Variants in TRNAU1AP observed in about 807,000 individuals in gnomAD.
TRNAU1AP encodes tRNA selenocysteine 1 associated protein 1.
In TRNAU1AP, 33 loss-of-function variants were observed where a neutral mutation model predicts 43.3. The ratio of observed to expected loss-of-function variants is 0.76; its 90% CI spans 0.58 to 1.02. The LOEUF (loss-of-function observed/expected upper bound fraction) is 1.02, where lower values mean the gene tolerates loss of function less well. Ranked by LOEUF, TRNAU1AP falls within the 50% of genes least tolerant of loss-of-function variation. The pLI is 0.00. For synonymous variants in TRNAU1AP, 143 were observed against 129.1 expected (o/e 1.11, Z -0.73); for missense variants, 290 against 362.7 (o/e 0.80, Z 1.63).
intron 4 of TRNAU1AP, among the ~76,000 whole-genome samples, chr1:28,564,109 A>G (rs1316433124): frequency 1.3e-5 from 2 of 152,112 alleles, no homozygotes; most frequent in South Asian, 4.1e-4. Flanking sequence ...TGCTAAAAAT[A>G]CAAAAGATTA....
rs371499960 is a variant in TRNAU1AP, at chr1:28,558,149, G to A, written c.126-2484G>A. On this transcript the variant is annotated intron_variant, in intron 2 of 8. Transcript: ENST00000373830. Reference sequence around the variant, plus strand: ...CCTGACCTCCTGATCCACCCGCCTTGGCCTCCCAACGTGTTGGAATTACAG... The same window carrying A: ...CCTGACCTCCTGATCCACCCGCCTTAGCCTCCCAACGTGTTGGAATTACAG... Among the ~76,000 whole-genome samples, 28 of 143,670 alleles carry A rather than the reference G, an allele frequency of 1.9e-4. No individual in the cohort carries two copies. The South Asian group carries it at 6.1e-3, about 31-fold the overall frequency. 94.3% of individuals were successfully genotyped at this position (143,670 alleles called of 152,430 possible).
At chr1:28,572,005 A>G in intron 8 of TRNAU1AP, 105 bp downstream of exon 8, 2 of 1,006,958 alleles carry the variant, frequency 2.0e-6, no homozygotes, top group South Asian at 2.6e-5. Flanking sequence ...TCTGCTCTGG[A>G]AGAACTTACA....
chr1:28,567,462 C>G (rs1665567096), intron 6 of TRNAU1AP, 49 bp downstream of exon 6: 1 of 1,541,820 alleles, frequency 6.5e-7, no homozygotes, highest in Non-Finnish European at 8.7e-7. Flanking sequence ...CCTCCAGACA[C>G]TCCTCTTTTG....
intron 8 of TRNAU1AP, among the ~76,000 whole-genome samples, chr1:28,573,772 C>CAA (rs762729219): frequency 7.9e-6 from 1 of 126,618 alleles, no homozygotes. Context: ...GACTCTGTCT[C>CAA]AAAAAAAAAA....
intron 4 of TRNAU1AP, among the ~76,000 whole-genome samples, chr1:28,563,521 A>G (rs1279828630): frequency 6.6e-6 from 1 of 152,032 alleles, no homozygotes; most frequent in East Asian, 1.9e-4. Flanking sequence ...CGTCTCTACT[A>G]AAAATACAAA....
chr1:28,554,212 A>C lies in TRNAU1AP; in HGVS notation c.125+475A>C, dbSNP rs1046783126. On this transcript the variant is annotated intron_variant, in intron 2 of 8. Coordinates refer to ENST00000373830, the MANE Select transcript of TRNAU1AP (RefSeq NM_017846.5). ...AAACAATGTCTCAAAAAAAAAAAAA[A>C]CAAAAAAACAAAAAACGCAGGACTC... Among the ~76,000 whole-genome samples the C allele has an allele frequency of 2.8e-5, 4 of 140,966 alleles. 1 individual carries two copies. The highest frequency in any genetic ancestry group is 6.3e-5 in the African/African-American group (2 of 31,536). 92.5% of individuals were successfully genotyped at this position (140,966 alleles called of 152,430 possible). A position where few individuals can be genotyped will look rare whatever the true frequency, so the allele number is the denominator to read the frequency against.
chr1:28,559,171 A>C (rs530474022), intron 2 of TRNAU1AP, among the ~76,000 whole-genome samples: 3 of 151,968 alleles, frequency 2.0e-5, no homozygotes, highest in African/African-American at 7.2e-5. Context: ...TCCCGGGTTC[A>C]AGCAATTCTC....
At chr1:28,560,930 G>C in intron 3 of TRNAU1AP, 198 bp downstream of exon 3, 1 of 891,442 alleles carries the variant, frequency 1.1e-6, no homozygotes, top group Non-Finnish European at 1.6e-6. Flanking sequence ...GGTAGTAAAT[G>C]GCAGAGCCAG....
chr1:28,572,720 G>A (rs1262687756), intron 8 of TRNAU1AP, among the ~76,000 whole-genome samples: 6 of 151,598 alleles, frequency 4.0e-5, no homozygotes, highest in Non-Finnish European at 8.8e-5. Flanking sequence ...GGATTGTGAG[G>A]TCAGGAAATC....
At chr1:28,559,834 T>C (rs983959782) in intron 2 of TRNAU1AP, among the ~76,000 whole-genome samples, 3 of 152,098 alleles carry the variant, frequency 2.0e-5, no homozygotes, top group African/African-American at 7.2e-5. Flanking sequence ...AATGAATGTT[T>C]ACTAAATGAG....
At chr1:28,562,907 T>C (rs1474449642) in intron 4 of TRNAU1AP, among the ~76,000 whole-genome samples, 1 of 148,664 alleles carries the variant, frequency 6.7e-6, no homozygotes, top group East Asian at 2.0e-4. Context: ...CTTTTTTTTT[T>C]TTTTTTGAGA....
chr1:28,575,837 C>A (rs1208699167), intron 8 of TRNAU1AP, among the ~76,000 whole-genome samples: 2 of 136,974 alleles, frequency 1.5e-5, no homozygotes, highest in Non-Finnish European at 3.1e-5. Context: ...GGATTACAGG[C>A]TTGAGCCACT....
intron 3 of TRNAU1AP, 95 bp downstream of exon 3, chr1:28,560,827 C>T: frequency 2.8e-6 from 3 of 1,079,086 alleles, no homozygotes; most frequent in Non-Finnish European, 4.0e-6. Context: ...TTTATTTAAT[C>T]CTAAAACAAC....
At chr1:28,561,240 G>T in intron 3 of TRNAU1AP, 106 bp from the exon 4 acceptor site, 2 of 1,531,384 alleles carry the variant, frequency 1.3e-6, no homozygotes, top group African/African-American at 1.4e-5. Context: ...GGCTTAGAGA[G>T]GGGGAGATGT....
At chr1:28,573,962 TGTCTAGGCACGGTGGCTAAAGCCTGTAAG>T (rs1665719190) in intron 8 of TRNAU1AP, among the ~76,000 whole-genome samples, 1 of 151,544 alleles carries the variant, frequency 6.6e-6, no homozygotes, top group Non-Finnish European at 1.5e-5. Context: ...CAGTATTTAC[TGTCTAGGCACGGTGGCTAAAGCCTGTAAG>T]GTCTTTGGAA....
chr1:28,563,639 G>T (rs1665464406), intron 4 of TRNAU1AP, among the ~76,000 whole-genome samples: 1 of 150,842 alleles, frequency 6.6e-6, no homozygotes, highest in Non-Finnish European at 1.5e-5. Context: ...AGCTGAGATT[G>T]CGCCACTTCA....
chr1:28,559,439 A>C (rs1354831970), intron 2 of TRNAU1AP, among the ~76,000 whole-genome samples: 1 of 151,828 alleles, frequency 6.6e-6, no homozygotes, highest in Non-Finnish European at 1.5e-5. Flanking sequence ...GACCAGCCTG[A>C]CCAATATGGA....
chr1:28,563,694 A>G (rs1018534005), intron 4 of TRNAU1AP, among the ~76,000 whole-genome samples: 2 of 152,004 alleles, frequency 1.3e-5, no homozygotes, highest in East Asian at 1.9e-4. Context: ...AAAAAAAAAA[A>G]AAAGGAAATT....
At position 28,565,071 on chromosome 1, in the gene TRNAU1AP, G is replaced by A. The variant is rs551430710; in HGVS notation, c.410+237G>A. On this transcript the variant is annotated intron_variant, in intron 5 of 8. Coordinates refer to ENST00000373830, the MANE Select transcript of TRNAU1AP (RefSeq NM_017846.5). ...AAAATGGAGCTGATTAATAATAGCT[G>A]CTTGTAGGGTTGATGTAAGGATTAA... is the stretch of plus-strand genomic sequence containing the variant. The A allele has an allele frequency of 2.3e-5, 12 of 525,948 alleles. No homozygotes were observed. The East Asian group carries it at 3.8e-4, about 17-fold the overall frequency. The allele number at this position is 525,948 out of a possible 1,614,324, so 32.6% of individuals were successfully genotyped here.
Sources: gnomAD v4.1 joint callset for allele counts (sites outside exome capture counted in the v4.1 genomes callset) on GRCh38, gnomAD v4.1.1 for gene constraint, MANE v1.5 for transcripts, NCBI Gene and HGNC (gene_info 2026-07-23, HGNC 2026-07-21) for gene names.